Variants in UPF2 observed in about 807,000 individuals in gnomAD.
The protein encoded by UPF2 is UPF2 regulator of nonsense mediated mRNA decay.
Under a neutral mutation model 141.4 loss-of-function variants are expected in UPF2, and 17 were observed. The observed-to-expected ratio is 0.12, with a 90% CI of 0.08 to 0.18. UPF2 has a LOEUF of 0.18. Ranked by LOEUF, UPF2 falls within the 10% of genes least tolerant of loss-of-function variation. The pLI, the probability that UPF2 is intolerant of heterozygous loss-of-function variation, is 1.00. For missense variants in UPF2, 1,152 were observed against 1,515.9 expected, an observed-to-expected ratio of 0.76 and a Z score of 3.99; for synonymous variants, 540 against 498.0, an observed-to-expected ratio of 1.08 and a Z score of -1.12.
intron 2 of UPF2, among the ~76,000 whole-genome samples, chr10:12,030,872 A>G (rs557646819): frequency 1.4e-5 from 2 of 147,008 alleles, no homozygotes; most frequent in African/African-American, 5.1e-5. Flanking sequence ...TGACAGAGCA[A>G]GACTCTGTCT....
At chr10:12,034,377 C>G (rs1042314091) in intron 2 of UPF2, among the ~76,000 whole-genome samples, 1 of 151,546 alleles carries the variant, frequency 6.6e-6, no homozygotes, top group Non-Finnish European at 1.5e-5. Context: ...GGCAGGAGTG[C>G]AGTGGCACAG....
Position 11,920,241 on chromosome 10 carries a change from A to C in UPF2, c.*1057T>G, listed in dbSNP as rs956356729. ...ATACAGATGTGCTCTCCGACTAAAT[A>C]TACTACGCCTGCTGGAAAGCAAACC... On this transcript the variant is annotated 3_prime_UTR_variant, in exon 22 of 22. Transcript: ENST00000357604. The C allele has an allele frequency of 1.3e-5, 2 of 152,202 alleles. No homozygotes were observed. Among genetic ancestry groups the C allele is most frequent in the East Asian group, 1.9e-4 (1 of 5,206 alleles). 9.4% of individuals were successfully genotyped at this position (152,202 alleles called of 1,614,324 possible).
At chr10:12,012,017 T>G (rs1834136308) in intron 4 of UPF2, among the ~76,000 whole-genome samples, 1 of 151,548 alleles carries the variant, frequency 6.6e-6, no homozygotes, top group Non-Finnish European at 1.5e-5. Flanking sequence ...AATTTCAGTA[T>G]GACAATTAGA....
chr10:11,938,868 T>TTTTGTTTTTTTTG (rs1832896544), intron 18 of UPF2, among the ~76,000 whole-genome samples: 4 of 90,822 alleles, frequency 4.4e-5, no homozygotes, highest in African/African-American at 1.1e-4. Context: ...TTTTTTTTTT[T>TTTTGTTTTTTTTG]TTTTTTTTTT....
intron 20 of UPF2, 104 bp from the exon 21 acceptor site, chr10:11,930,089 A>C: frequency 6.6e-7 from 1 of 1,522,924 alleles, no homozygotes; most frequent in Non-Finnish European, 8.9e-7. Flanking sequence ...TAGTCCTGTC[A>C]GGGAGCTGAC....
chr10:11,967,302 A>C, intron 10 of UPF2, 39 bp downstream of exon 10: 1 of 1,215,448 alleles, frequency 8.2e-7, no homozygotes, highest in Non-Finnish European at 1.1e-6. Flanking sequence ...AAAACTTTAA[A>C]CTTTTCAATT....
intron 8 of UPF2, among the ~76,000 whole-genome samples, chr10:11,982,599 A>T (rs1447067774): frequency 6.6e-6 from 1 of 152,070 alleles, no homozygotes; most frequent in Non-Finnish European, 1.5e-5. Flanking sequence ...CACCTAACCC[A>T]TCATATCCCT....
chr10:12,036,235 G>A (rs1017673084), intron 1 of UPF2, among the ~76,000 whole-genome samples: 55 of 152,308 alleles, frequency 3.6e-4, no homozygotes, highest in African/African-American at 1.3e-3. Context: ...CATGTGCTCT[G>A]TAGGAGGTTT....
chr10:11,934,299 G>C (rs1375308605), intron 19 of UPF2, among the ~76,000 whole-genome samples: 3 of 152,132 alleles, frequency 2.0e-5, no homozygotes, highest in Non-Finnish European at 4.4e-5. Flanking sequence ...TCAGGACAAT[G>C]CCAAATTTAG....
chr10:11,949,672 G>A (rs937181895), intron 15 of UPF2, among the ~76,000 whole-genome samples: 17 of 152,200 alleles, frequency 1.1e-4, no homozygotes, highest in African/African-American at 3.9e-4. Flanking sequence ...GAATCTTAGA[G>A]GATTCAAGCA....
chr10:12,001,330 C>T (rs1833949071), intron 6 of UPF2, among the ~76,000 whole-genome samples: 1 of 152,052 alleles, frequency 6.6e-6, no homozygotes, highest in African/African-American at 2.4e-5. Context: ...AGGAGAATTG[C>T]TTGAACCCAG....
At chr10:12,020,543 T>C (rs948002164) in intron 3 of UPF2, among the ~76,000 whole-genome samples, 4 of 152,218 alleles carry the variant, frequency 2.6e-5, no homozygotes, top group African/African-American at 9.6e-5. Flanking sequence ...CATAAAAATT[T>C]ATAAAATCAT....
chr10:11,977,665 T>C (rs921048343), intron 9 of UPF2, among the ~76,000 whole-genome samples: 7 of 152,164 alleles, frequency 4.6e-5, no homozygotes, highest in Non-Finnish European at 7.3e-5. Flanking sequence ...CTTTGTACAA[T>C]GGGATTAAAC....
chr10:12,032,031 C>T (rs1042986416), intron 2 of UPF2, among the ~76,000 whole-genome samples: 3 of 152,114 alleles, frequency 2.0e-5, no homozygotes, highest in East Asian at 1.9e-4. Context: ...CCGTGGCTCA[C>T]GCCTGTAATC....
At position 12,014,249 on chromosome 10, in the gene UPF2, T is replaced by C. The variant is rs1365999028; in HGVS notation, c.1146-65A>G. 1.6e-6 allele frequency: 2 copies of C among 1,286,840 alleles called. No homozygotes were observed. The highest frequency in any genetic ancestry group is 2.0e-6 in the Non-Finnish European group (2 of 1,001,988). The allele number at this position is 1,286,840 out of a possible 1,614,324, so 79.7% of individuals were successfully genotyped here. A position where few individuals can be genotyped will look rare whatever the true frequency, so the allele number is the denominator to read the frequency against. On this transcript the variant is annotated intron_variant, in intron 3 of 21. Transcript: ENST00000357604. The surrounding 1 kb of genome is among the most constrained non-coding windows in gnomAD (Gnocchi z 5.0). The stretch of plus-strand genomic sequence containing the variant: ...AGATGTGATCACAAATTGTTATATA[T>C]GGGAAACATTCCATAATTTGATTTT...
intron 9 of UPF2, among the ~76,000 whole-genome samples, chr10:11,968,139 A>G (rs997095104): frequency 2.4e-4 from 37 of 152,228 alleles, no homozygotes; most frequent in African/African-American, 8.7e-4. Context: ...AGATCATGCC[A>G]CTGCACTCCA....
Position 12,042,563 on chromosome 10 carries a change from G to A in UPF2, c.-19+192C>T, listed in dbSNP as rs1329028885. Reference sequence around the variant, plus strand: ...CCCGGGGGCTCCCGCGTTGATGGGAGCCTCGGAGACAGGGGGTCTGAGGAG... The same window carrying A: ...CCCGGGGGCTCCCGCGTTGATGGGAACCTCGGAGACAGGGGGTCTGAGGAG... On this transcript the variant is annotated intron_variant, in intron 1 of 21. Transcript: ENST00000357604. The surrounding 1 kb of genome is among the most constrained non-coding windows in gnomAD (Gnocchi z 5.5). Among the ~76,000 whole-genome samples the A allele has an allele frequency of 2.0e-5, 3 of 152,298 alleles. No homozygotes were observed. The highest frequency in any genetic ancestry group is 2.9e-5 in the Non-Finnish European group (2 of 68,024).
At chr10:12,015,389 A>G (rs575756767) in intron 3 of UPF2, among the ~76,000 whole-genome samples, 2 of 152,198 alleles carry the variant, frequency 1.3e-5, no homozygotes, top group African/African-American at 4.8e-5. Context: ...TTCTACTCAC[A>G]TAAGCTTTTG....
intron 9 of UPF2, among the ~76,000 whole-genome samples, chr10:11,973,626 A>G (rs1406983576): frequency 6.6e-6 from 1 of 152,168 alleles, no homozygotes; most frequent in Non-Finnish European, 1.5e-5. Flanking sequence ...TCCCAACACT[A>G]TTTATTAAAT....
Sources: gnomAD v4.1 joint callset for allele counts (sites outside exome capture counted in the v4.1 genomes callset) on GRCh38, gnomAD v4.1.1 for gene constraint, Gnocchi (gnomAD v3.1) non-coding constraint, MANE v1.5 for transcripts, NCBI Gene and HGNC (gene_info 2026-07-23, HGNC 2026-07-21) for gene names.